NDUFAF6: variants seen among roughly 807,000 people sequenced by gnomAD.
The protein encoded by NDUFAF6 is NADH dehydrogenase (ubiquinone) complex I, assembly factor 6.
NDUFAF6 carries 45 observed loss-of-function variants against 40.8 expected under a neutral mutation model. The ratio of observed to expected loss-of-function variants is 1.10; its 90% CI spans 0.87 to 1.42. The LOEUF (loss-of-function observed/expected upper bound fraction) is 1.42. Ranked by LOEUF, NDUFAF6 falls within the 40% of genes most tolerant of loss-of-function variation. The probability of loss-of-function intolerance (pLI) is 0.00; values close to 1 mark genes in which losing one functional copy is unlikely to be tolerated. For missense variants in NDUFAF6, 435 were observed against 418.5 expected (o/e 1.04, Z -0.34); for synonymous variants, 185 against 155.9 (o/e 1.19, Z -1.39).
At chr8:95,035,364 G>GT (rs1339897497) in intron 2 of NDUFAF6, 90 bp from the exon 3 acceptor site, 3 of 1,381,000 alleles carry the variant, frequency 2.2e-6, no homozygotes, top group Non-Finnish European at 3.1e-6. Flanking sequence ...ATACAGAACA[G>GT]TTACATTAAC....
downstream of NDUFAF6, among the ~76,000 whole-genome samples, chr8:95,077,818 C>T (rs1380201848): frequency 6.6e-6 from 1 of 152,104 alleles, no homozygotes; most frequent in East Asian, 1.9e-4. Context: ...TGACCAGAAG[C>T]AAGCTCTTAG....
At chr8:94,957,486 T>G (rs1823181764), upstream of NDUFAF6, among the ~76,000 whole-genome samples, 1 of 151,376 alleles carries the variant, frequency 6.6e-6, no homozygotes, top group South Asian at 2.1e-4. Context: ...GCCAATGGGG[T>G]GACTGAAAAA....
chr8:94,932,834 A>T (rs973466517), intron 1 of NDUFAF6, among the ~76,000 whole-genome samples: 3 of 152,108 alleles, frequency 2.0e-5, no homozygotes, highest in Non-Finnish European at 4.4e-5. Flanking sequence ...TCAAATCCCA[A>T]AATAAGGATG....
chr8:95,069,271 G>A (rs1832774715), intron 9 of NDUFAF6: 1 of 151,860 alleles, frequency 6.6e-6, no homozygotes, highest in Admixed American at 6.5e-5. Context: ...AACAACAACA[G>A]TTATGGAGCA....
chr8:95,078,635 G>A (rs1808706691), downstream of NDUFAF6: 1 of 124,740 alleles, frequency 8.0e-6, no homozygotes, highest in Non-Finnish European at 1.6e-5. Context: ...GACACAGTGA[G>A]CCCCTTTCTC....
chr8:95,104,068 G>A (rs906225890), downstream of NDUFAF6, among the ~76,000 whole-genome samples: 1 of 152,090 alleles, frequency 6.6e-6, no homozygotes, highest in South Asian at 2.1e-4. Context: ...ATAGAGACAA[G>A]GTCTCACTAT....
chr8:95,093,757 G>A lies in NDUFAF6; in HGVS notation n.214-7375G>A, dbSNP rs539615201. The stretch of plus-strand genomic sequence containing the variant: ...TTTCTTTCCTTAGGTCAACAGTTGG[G>A]AGGCTTAGATGAGATAATATAGGCA... On this transcript the variant is annotated intron_variant and non_coding_transcript_variant, in intron 2 of 5. Transcript: ENST00000523184. Among the ~76,000 whole-genome samples the A allele has an allele frequency of 4.6e-5, 7 of 152,274 alleles. No homozygotes were observed. The South Asian group carries it at 1.5e-3, about 32-fold the overall frequency.
chr8:95,086,893 G>T (rs1004814369), intron 2 of NDUFAF6, among the ~76,000 whole-genome samples: 1 of 151,930 alleles, frequency 6.6e-6, no homozygotes, highest in South Asian at 2.1e-4. Context: ...GTGAGCCACC[G>T]CGCCCCGGCC....
At chr8:95,000,895 C>A (rs1826698594) in intron 2 of NDUFAF6, among the ~76,000 whole-genome samples, 1 of 151,946 alleles carries the variant, frequency 6.6e-6, no homozygotes, top group African/African-American at 2.4e-5. Flanking sequence ...CAAGATTGCA[C>A]CATTGCACTC....
In NDUFAF6 at chr8:95,048,520, T is replaced by C. The variant is rs1204202726; in HGVS notation, c.778T>C (p.Tyr260His). The C allele has an allele frequency of 1.7e-5, 27 of 1,614,076 alleles. No homozygotes were observed. Among genetic ancestry groups the C allele is most frequent in the Non-Finnish European group, 2.1e-5 (25 of 1,180,036 alleles). Residue 260 changes from tyrosine (Y) to histidine (H), a missense_variant, in exon 7 of 9, where the codon TAT (tyrosine) becomes CAT (histidine). Physicochemically the swap from Tyr to His is moderately conservative, Grantham distance 83. Transcript: ENST00000396124. ...AGATAAAAATGTGAGAGATGTAATA[T>C]ATGACATTGCCAGTCAAGCACACTT... is the stretch of plus-strand genomic sequence containing the variant. ...NQDKNVRDVI[Y>H]DIASQAHLHL...
chr8:95,101,524 G>A (rs1809646985), intron 2 of NDUFAF6, among the ~76,000 whole-genome samples: 1 of 152,128 alleles, frequency 6.6e-6, no homozygotes, highest in African/African-American at 2.4e-5. Flanking sequence ...TCCTCATGCT[G>A]TCATGATGAA....
At chr8:94,978,176 T>A (rs1414918568) in intron 1 of NDUFAF6, among the ~76,000 whole-genome samples, 2 of 152,132 alleles carry the variant, frequency 1.3e-5, no homozygotes, top group Non-Finnish European at 2.9e-5. Flanking sequence ...CTTGGAACAT[T>A]CAGTCCCATC....
chr8:94,904,320 CTTTTTTTTTTTT>C (rs57749627), intron 1 of NDUFAF6, among the ~76,000 whole-genome samples: 61 of 34,136 alleles, frequency 1.8e-3, no homozygotes, highest in African/African-American at 5.0e-3. Flanking sequence ...ATTTTTTTTG[CTTTTTTTTTTTT>C]TTTTTTTTTT....
intron 2 of NDUFAF6, among the ~76,000 whole-genome samples, chr8:94,986,811 T>G (rs552360385): frequency 6.6e-6 from 1 of 152,346 alleles, no homozygotes; most frequent in East Asian, 1.9e-4. Flanking sequence ...GAGAGCCAGT[T>G]AGGACTAAGA....
chr8:95,036,811 C>A (rs541361602), intron 3 of NDUFAF6, among the ~76,000 whole-genome samples: 1 of 152,276 alleles, frequency 6.6e-6, no homozygotes, highest in African/African-American at 2.4e-5. Context: ...CTAAATTGTC[C>A]GATTTTAATA....
At chr8:94,927,201 G>C (rs1458120059) in intron 1 of NDUFAF6, 1 of 152,526 alleles carries the variant, frequency 6.6e-6, no homozygotes, top group Non-Finnish European at 1.5e-5. Flanking sequence ...TTCCAACTCA[G>C]AGAAAATGAG....
chr8:94,982,480 C>T (rs1405499070), intron 2 of NDUFAF6, among the ~76,000 whole-genome samples: 1 of 152,194 alleles, frequency 6.6e-6, no homozygotes, highest in African/African-American at 2.4e-5. Context: ...AACATGTCCT[C>T]ATCTTTAAGT....
At chr8:94,995,343 A>AT (rs1273315725) in intron 2 of NDUFAF6, among the ~76,000 whole-genome samples, 1 of 152,260 alleles carries the variant, frequency 6.6e-6, no homozygotes, top group Non-Finnish European at 1.5e-5. Context: ...TTTAATGGGC[A>AT]TACAGTTTCA....
At chr8:94,938,681 G>A (rs988295143) in intron 1 of NDUFAF6, among the ~76,000 whole-genome samples, 4 of 152,232 alleles carry the variant, frequency 2.6e-5, no homozygotes, top group Admixed American at 6.5e-5. Flanking sequence ...GGGAGCCTCT[G>A]GAGAGCTGAA....
Sources: allele counts gnomAD v4.1 joint callset (sites outside exome capture counted in the v4.1 genomes callset), GRCh38; gene constraint gnomAD v4.1.1; transcripts MANE v1.5; gene names NCBI Gene and HGNC (gene_info 2026-07-23, HGNC 2026-07-21).